NR2F1-AS1: variants seen among roughly 807,000 people sequenced by gnomAD.
The protein encoded by NR2F1-AS1 is NR2F1 antisense RNA 1.
At chr5:93,453,798 C>T (rs1452102708) in intron 4 of NR2F1-AS1, among the ~76,000 whole-genome samples, 2 of 152,026 alleles carry the variant, frequency 1.3e-5, no homozygotes, top group Non-Finnish European at 2.9e-5. Context: ...AGACCTTTTC[C>T]AGACAGACAA....
At chr5:93,530,723 T>C (rs148963532) in intron 4 of NR2F1-AS1, among the ~76,000 whole-genome samples, 13 of 152,320 alleles carry the variant, frequency 8.5e-5, no homozygotes, top group African/African-American at 2.9e-4. Flanking sequence ...CCTAATTTGA[T>C]AGCAAGGCAC....
intron 4 of NR2F1-AS1, among the ~76,000 whole-genome samples, chr5:93,473,563 C>T (rs1050257950): frequency 5.9e-5 from 9 of 151,386 alleles, no homozygotes; most frequent in Non-Finnish European, 1.0e-4. Context: ...AAGTTGGTAT[C>T]CCCTTTCCCA....
intron 4 of NR2F1-AS1, among the ~76,000 whole-genome samples, chr5:93,482,747 ACG>A (rs1266028402): frequency 6.6e-6 from 1 of 152,178 alleles, no homozygotes. Flanking sequence ...TCAACCTGGG[ACG>A]CTCTAGCTTG....
chr5:93,425,732 T>C (rs1417068035), intron 4 of NR2F1-AS1, among the ~76,000 whole-genome samples: 2 of 152,156 alleles, frequency 1.3e-5, no homozygotes, highest in Non-Finnish European at 2.9e-5. Context: ...CCTCAAGGCA[T>C]AATTAATTAT....
chr5:93,551,217 T>C (rs1207769073), intron 4 of NR2F1-AS1, among the ~76,000 whole-genome samples: 4 of 152,066 alleles, frequency 2.6e-5, no homozygotes, highest in South Asian at 2.1e-4. Flanking sequence ...CCCATTTTAT[T>C]TGAATTATTT....
In NR2F1-AS1 at chr5:93,549,196, C is replaced by A. The variant is rs529454664; in HGVS notation, n.638+4565G>T. Among the ~76,000 whole-genome samples the A allele has an allele frequency of 5.3e-5, 8 of 152,122 alleles. No individual in the cohort carries two copies. The East Asian group carries it at 1.5e-3, about 29-fold the overall frequency. Reference sequence around the variant, plus strand: ...GAACTTTAGATAATTTTAAAGAGAACAAAATACTAAGATAAAAAATTGCCA... The same window carrying A: ...GAACTTTAGATAATTTTAAAGAGAAAAAAATACTAAGATAAAAAATTGCCA... On this transcript the variant is annotated intron_variant and non_coding_transcript_variant, in intron 4 of 5. Coordinates refer to ENST00000660523, the Ensembl canonical transcript of NR2F1-AS1.
intron 4 of NR2F1-AS1, among the ~76,000 whole-genome samples, chr5:93,475,365 C>A (rs561565721): frequency 6.6e-6 from 1 of 152,216 alleles, no homozygotes; most frequent in East Asian, 1.9e-4. Flanking sequence ...AAAGTCAACT[C>A]TAGAAAAAAA....
chr5:93,471,759 T>C (rs1750370546), intron 4 of NR2F1-AS1, among the ~76,000 whole-genome samples: 1 of 151,914 alleles, frequency 6.6e-6, no homozygotes, highest in Admixed American at 6.6e-5. Flanking sequence ...CATAAGTTGA[T>C]GACTGTAATC....
chr5:93,496,863 G>A (rs1457567799), intron 4 of NR2F1-AS1, among the ~76,000 whole-genome samples: 1 of 152,180 alleles, frequency 6.6e-6, no homozygotes, highest in Admixed American at 6.6e-5. Flanking sequence ...GCCAGCAAAA[G>A]AAAGAATCCA....
intron 4 of NR2F1-AS1, among the ~76,000 whole-genome samples, chr5:93,468,670 T>A (rs1750298137): frequency 6.6e-6 from 1 of 152,252 alleles, no homozygotes; most frequent in East Asian, 1.9e-4. Context: ...GTTTGTCTAT[T>A]TTGGCTTTTG....
intron 4 of NR2F1-AS1, among the ~76,000 whole-genome samples, chr5:93,475,775 C>T (rs1392816020): frequency 6.6e-6 from 1 of 152,176 alleles, no homozygotes; most frequent in African/African-American, 2.4e-5. Context: ...ATTTTGAGCA[C>T]ACCTGTTTTG....
intron 4 of NR2F1-AS1, among the ~76,000 whole-genome samples, chr5:93,413,610 C>T (rs17083152): frequency 0.029 from 4,468 of 152,142 alleles, 109 homozygotes; most frequent in African/African-American, 0.041. Flanking sequence ...AGGCTAAGAA[C>T]GTATGTGCAT....
intron 1 of NR2F1-AS1, chr5:93,570,504 T>C (rs2149926961): frequency 6.6e-6 from 1 of 152,386 alleles, no homozygotes; most frequent in African/African-American, 2.4e-5. Context: ...TCACACTCCC[T>C]GGGGACCATT....
intron 1 of NR2F1-AS1, among the ~76,000 whole-genome samples, chr5:93,567,408 A>G (rs1408597857): frequency 6.6e-6 from 1 of 152,174 alleles, no homozygotes; most frequent in African/African-American, 2.4e-5. Flanking sequence ...CTGTTTCAGT[A>G]TGCCAGTAAA....
chr5:93,573,896 T>G (rs1305048942), intron 1 of NR2F1-AS1, among the ~76,000 whole-genome samples: 1 of 152,188 alleles, frequency 6.6e-6, no homozygotes, highest in African/African-American at 2.4e-5. Flanking sequence ...CTATTAGATT[T>G]ATGGTCTCTT....
At chr5:93,571,702 G>A (rs530388997) in intron 1 of NR2F1-AS1, among the ~76,000 whole-genome samples, 1 of 152,186 alleles carries the variant, frequency 6.6e-6, no homozygotes, top group Admixed American at 6.5e-5. Context: ...TATAGACGGT[G>A]ATTGGAGTCG....
At chr5:93,412,881 G>A (rs1270084210) in intron 4 of NR2F1-AS1, among the ~76,000 whole-genome samples, 1 of 152,020 alleles carries the variant, frequency 6.6e-6, no homozygotes, top group Non-Finnish European at 1.5e-5. Flanking sequence ...CACCTTCCCT[G>A]AACCAATCCC....
At chr5:93,521,752 T>C (rs1003340793) in intron 4 of NR2F1-AS1, among the ~76,000 whole-genome samples, 1 of 152,204 alleles carries the variant, frequency 6.6e-6, no homozygotes, top group African/African-American at 2.4e-5. Context: ...GGAACACTTA[T>C]GCACTATTGG....
intron 2 of NR2F1-AS1, among the ~76,000 whole-genome samples, chr5:93,560,969 T>C (rs1017647274): frequency 6.6e-6 from 1 of 152,194 alleles, no homozygotes; most frequent in Non-Finnish European, 1.5e-5. Flanking sequence ...TGTTAACCTC[T>C]TTATCTAAAA....
Sources: gnomAD v4.1 joint callset for allele counts (sites outside exome capture counted in the v4.1 genomes callset) on GRCh38, gnomAD v4.1.1 for gene constraint, MANE v1.5 for transcripts, NCBI Gene and HGNC (gene_info 2026-07-23, HGNC 2026-07-21) for gene names.